Variants in FABP2 observed in about 807,000 individuals in gnomAD.
FABP2 encodes fatty acid binding protein 2, also known as fatty acid-binding protein, intestinal.
Under a neutral mutation model 16.1 loss-of-function variants are expected in FABP2, and 11 were observed. That is an observed-to-expected ratio of 0.68 (90% CI 0.43 to 1.13). FABP2 has a LOEUF of 1.13. FABP2 is among the 50% of genes most tolerant of loss of function. FABP2 has a pLI of 0.00. For missense variants in FABP2, 146 were observed against 155.1 expected (o/e 0.94, Z 0.31); for synonymous variants, 45 against 50.9 (o/e 0.88, Z 0.49).
chr4:119,319,501 G>A (rs777637784), intron 3 of FABP2, 35 bp downstream of exon 3: 2 of 1,307,074 alleles, frequency 1.5e-6, no homozygotes, highest in African/African-American at 3.0e-5. Flanking sequence ...AGTAATTTTT[G>A]CCTTTTGAAA....
In FABP2 at chr4:119,320,679, A is replaced by G. The variant is rs749763336; in HGVS notation, c.231T>C (p.Thr77=). Reference sequence around the variant, plus strand: ...AAAAAAAAATTCTTACCCTGAGTTCAGTTCCGTCTGCTAGATTGTAATTAA... The same window carrying G: ...AAAAAAAAATTCTTACCCTGAGTTCGGTTCCGTCTGCTAGATTGTAATTAA... The part of the protein sequence containing the change: ...VTFNYNLADG[T]ELRGTWSLEG... The change falls in exon 2 of 4, where the codon ACT becomes ACC. Residue 77 remains threonine, a synonymous_variant. Transcript: ENST00000274024. 1.3e-6 allele frequency: 2 copies of G among 1,574,124 alleles called. No homozygotes were observed. Among genetic ancestry groups the G allele is most frequent in the Admixed American group, 2.0e-5 (1 of 50,062 alleles).
intron 1 of FABP2, among the ~76,000 whole-genome samples, chr4:119,321,360 C>T (rs1427607840): frequency 6.6e-6 from 1 of 152,018 alleles, no homozygotes; most frequent in East Asian, 1.9e-4. Context: ...GCCAAAATCA[C>T]TATAAGAATC....
At chr4:119,321,608 C>G (rs1755670458) in intron 1 of FABP2, among the ~76,000 whole-genome samples, 1 of 152,076 alleles carries the variant, frequency 6.6e-6, no homozygotes, top group Admixed American at 6.6e-5. Context: ...TTAAATCTAA[C>G]TTATTCAGCG....
Position 119,319,647 on chromosome 4 carries a change from CATAATAATAATAATA to C in FABP2, c.241-19_241-5del, listed in dbSNP as rs71595363. ...TTCCCTCAAGGCTCCAGGTCCCCTA[CATAATAATAATAATA>C]ATAATAATAATAATAATGGCATTTA... On this transcript the variant is annotated splice_polypyrimidine_tract_variant and splice_region_variant and intron_variant, in intron 2 of 3. Transcript: ENST00000274024. 3 of 798,144 alleles carry C rather than the reference CATAATAATAATAATA, an allele frequency of 3.8e-6. No homozygotes were observed. Among genetic ancestry groups the C allele is most frequent in the African/African-American group, 3.8e-5 (2 of 52,334 alleles). 49.4% of individuals were successfully genotyped at this position (798,144 alleles called of 1,614,324 possible).
chr4:119,320,578 A>T, intron 2 of FABP2, 92 bp downstream of exon 2: 1 of 1,035,074 alleles, frequency 9.7e-7, no homozygotes, highest in African/African-American at 1.7e-5. Context: ...GACCTGCATT[A>T]ATTAAACCAT....
In FABP2 at chr4:119,318,653, C is replaced by G; in HGVS notation, c.*388G>C. The G allele has an allele frequency of 6.0e-6, 1 of 166,950 alleles. No homozygotes were observed. Among genetic ancestry groups the G allele is most frequent in the Non-Finnish European group, 1.3e-5 (1 of 78,126 alleles). 10.3% of individuals were successfully genotyped at this position (166,950 alleles called of 1,614,324 possible). On this transcript the variant is annotated 3_prime_UTR_variant, in exon 4 of 4. Transcript: ENST00000274024. ...GCATGAGTCCAGGAGTTTGAGGTTA[C>G]AGTGAGCTATGATCTCTCCACTACA... is the stretch of plus-strand genomic sequence containing the variant.
chr4:119,317,806 G>T lies in FABP2; in HGVS notation c.*1235C>A, dbSNP rs897049933. On this transcript the variant is annotated 3_prime_UTR_variant, in exon 4 of 4. Coordinates refer to ENST00000274024, the MANE Select transcript of FABP2 (RefSeq NM_000134.4). Reference sequence around the variant, plus strand: ...AAAATTTTACGTCATGTGAAAATATGAATAAAAGGAAACTTTTTGAGCCCT... The same window carrying T: ...AAAATTTTACGTCATGTGAAAATATTAATAAAAGGAAACTTTTTGAGCCCT... 6 of 151,956 alleles carry T rather than the reference G, an allele frequency of 3.9e-5. No homozygotes were observed. The highest frequency in any genetic ancestry group is 8.8e-5 in the Non-Finnish European group (6 of 67,960). 9.4% of individuals were successfully genotyped at this position (151,956 alleles called of 1,614,324 possible). A position where few individuals can be genotyped will look rare whatever the true frequency, so the allele number is the denominator to read the frequency against.
intron 2 of FABP2, 88 bp from the exon 3 acceptor site, chr4:119,319,731 C>T: frequency 2.0e-6 from 1 of 490,250 alleles, no homozygotes; most frequent in South Asian, 5.1e-5. Context: ...GTTCTGTAGA[C>T]ACACTTTTTC....
At chr4:119,320,136 G>GA (rs1755642301) in intron 2 of FABP2, among the ~76,000 whole-genome samples, 2 of 152,124 alleles carry the variant, frequency 1.3e-5, no homozygotes. Flanking sequence ...AATTTAAATA[G>GA]AAAAATGTTG....
chr4:119,320,586 CA>C (rs1425573380), intron 2 of FABP2, 83 bp downstream of exon 2: 2 of 1,104,906 alleles, frequency 1.8e-6, no homozygotes, highest in African/African-American at 3.3e-5. Context: ...TTAATTAAAC[CA>C]TCCAATGAAA....
At chr4:119,320,948 C>T (rs1755659535) in intron 1 of FABP2, 106 bp from the exon 2 acceptor site, 2 of 885,202 alleles carry the variant, frequency 2.3e-6, no homozygotes, top group African/African-American at 3.5e-5. Context: ...GAAGAAAACT[C>T]GGTAGCATTG....
At chr4:119,319,510 A>G in intron 3 of FABP2, 26 bp downstream of exon 3, 1 of 1,458,488 alleles carries the variant, frequency 6.9e-7, no homozygotes. Context: ...TGCCTTTTGA[A>G]AATAGCTATA....
Position 119,319,657 on chromosome 4 carries a change from A to ATAATAATAG in FABP2, c.241-15_241-14insCTATTATTA. ...GCTCCAGGTCCCCTACATAATAATA[A>ATAATAATAG]TAATAATAATAATAATAATAATGGC... On this transcript the variant is annotated splice_polypyrimidine_tract_variant and intron_variant, in intron 2 of 3. Coordinates refer to ENST00000274024, the MANE Select transcript of FABP2 (RefSeq NM_000134.4). 1.0e-6 allele frequency: 1 copy of ATAATAATAG among 1,001,416 alleles called. No individual in the cohort carries two copies. The highest frequency in any genetic ancestry group is 1.3e-6 in the Non-Finnish European group (1 of 745,824). The allele number at this position is 1,001,416 out of a possible 1,614,324, so 62.0% of individuals were successfully genotyped here. A position where few individuals can be genotyped will look rare whatever the true frequency, so the allele number is the denominator to read the frequency against.
chr4:119,319,421 G>T (rs1755628948), intron 3 of FABP2, 115 bp downstream of exon 3: 3 of 584,966 alleles, frequency 5.1e-6, no homozygotes, highest in Non-Finnish European at 8.9e-6. Flanking sequence ...AAATCAGTAA[G>T]ATTTATGAGA....
rs1306926817 is a variant in FABP2, at chr4:119,317,373, A to G, written c.*1668T>C. 2 of 152,076 alleles carry G rather than the reference A, an allele frequency of 1.3e-5. No homozygotes were observed. Among genetic ancestry groups the G allele is most frequent in the East Asian group, 1.9e-4 (1 of 5,198 alleles). 9.4% of individuals were successfully genotyped at this position (152,076 alleles called of 1,614,324 possible). Reference sequence around the variant, plus strand: ...CCCCTGAATAATGTACATTGTACCCATTAAGTAAATTATCATCGCCCCCTG... The same window carrying G: ...CCCCTGAATAATGTACATTGTACCCGTTAAGTAAATTATCATCGCCCCCTG... On this transcript the variant is annotated 3_prime_UTR_variant, in exon 4 of 4. Coordinates refer to ENST00000274024, the MANE Select transcript of FABP2 (RefSeq NM_000134.4).
rs533027706 is a variant in FABP2 at position 119,317,846 on chromosome 4, GTA to G, written c.*1193_*1194del. On this transcript the variant is annotated 3_prime_UTR_variant, in exon 4 of 4. Transcript: ENST00000274024. Reference sequence around the variant, plus strand: ...TTTTGAGCCCTGGAAAATTGGCAATGTATGTGTTTATGTGAAAAAACCCACAA... The same window carrying G: ...TTTTGAGCCCTGGAAAATTGGCAATGTGTGTTTATGTGAAAAAACCCACAA... The G allele has an allele frequency of 1.1e-3, 171 of 152,152 alleles. No homozygotes were observed. Among genetic ancestry groups the G allele is most frequent in the African/African-American group, 3.9e-3 (164 of 41,528 alleles). The allele number at this position is 152,152 out of a possible 1,614,324, so 9.4% of individuals were successfully genotyped here. A position where few individuals can be genotyped will look rare whatever the true frequency, so the allele number is the denominator to read the frequency against.
At position 119,318,783 on chromosome 4, in the gene FABP2, C is replaced by T; in HGVS notation, c.*258G>A. On this transcript the variant is annotated 3_prime_UTR_variant, in exon 4 of 4. Transcript: ENST00000274024. ...AAAGGCAAGGCTACATATAAAGCAA[C>T]ATGGACGCAATATTTATTTTTGTTT... The T allele has an allele frequency of 2.8e-6, 1 of 352,580 alleles. No homozygotes were observed. Among genetic ancestry groups the T allele is most frequent in the Non-Finnish European group, 5.1e-6 (1 of 195,050 alleles). 21.8% of individuals were successfully genotyped at this position (352,580 alleles called of 1,614,324 possible).
intron 1 of FABP2, among the ~76,000 whole-genome samples, chr4:119,321,256 T>G (rs1037148493): frequency 3.3e-5 from 5 of 152,140 alleles, no homozygotes; most frequent in African/African-American, 9.6e-5. Context: ...CCTTTGTTTT[T>G]CTTAGTGGCT....
Position 119,317,748 on chromosome 4 carries a change from T to C in FABP2, c.*1293A>G, listed in dbSNP as rs1755603047. On this transcript the variant is annotated 3_prime_UTR_variant, in exon 4 of 4. Coordinates refer to ENST00000274024, the MANE Select transcript of FABP2 (RefSeq NM_000134.4). ...TACCCCCTCTCCATCCCCTAATATGTACCCTGCTAAAATACAATTATGTGA... is the reference window on the plus strand; with the variant it reads ...TACCCCCTCTCCATCCCCTAATATGCACCCTGCTAAAATACAATTATGTGA... 1 of 152,044 alleles carries C rather than the reference T, an allele frequency of 6.6e-6. No individual in the cohort carries two copies. The highest frequency in any genetic ancestry group is 1.9e-4 in the East Asian group (1 of 5,188). The allele number at this position is 152,044 out of a possible 1,614,324, so 9.4% of individuals were successfully genotyped here.
Sources: allele counts gnomAD v4.1 joint callset (sites outside exome capture counted in the v4.1 genomes callset), GRCh38; gene constraint gnomAD v4.1.1; transcripts MANE v1.5; gene names NCBI Gene and HGNC (gene_info 2026-07-23, HGNC 2026-07-21).